Variants in NELL1 observed in about 807,000 individuals in gnomAD.
NELL1 encodes the protein protein kinase C-binding protein NELL1.
Under a neutral mutation model 107.4 loss-of-function variants are expected in NELL1, and 76 were observed. The ratio of observed to expected loss-of-function variants is 0.71; its 90% CI spans 0.59 to 0.86. The LOEUF (loss-of-function observed/expected upper bound fraction) is 0.86, where lower values mean the gene tolerates loss of function less well. NELL1 is among the 40% of genes least tolerant of loss of function. The pLI, the probability that NELL1 is intolerant of heterozygous loss-of-function variation, is 0.00. For synonymous variants in NELL1, 353 were observed against 341.2 expected (o/e 1.03, Z -0.38); for missense variants, 1,024 against 1,005.5 (o/e 1.02, Z -0.25).
chr11:21,114,939 C>G (rs1054978814), intron 13 of NELL1, among the ~76,000 whole-genome samples: 1 of 151,888 alleles, frequency 6.6e-6, no homozygotes, highest in Non-Finnish European at 1.5e-5. Flanking sequence ...GTCTTTTAAC[C>G]CTAAGATTAG....
intron 15 of NELL1, among the ~76,000 whole-genome samples, chr11:21,392,441 A>G (rs999236411): frequency 6.6e-6 from 1 of 151,780 alleles, no homozygotes; most frequent in African/African-American, 2.4e-5. Context: ...CCTCTTTTCT[A>G]GATTCCAAAA....
At chr11:21,089,377 T>A (rs571048423) in intron 12 of NELL1, among the ~76,000 whole-genome samples, 1 of 152,320 alleles carries the variant, frequency 6.6e-6, no homozygotes, top group South Asian at 2.1e-4. Flanking sequence ...CATAAAATTA[T>A]CAATTAGATT....
At chr11:21,554,357 G>A (rs560049849) in intron 16 of NELL1, among the ~76,000 whole-genome samples, 15 of 151,882 alleles carry the variant, frequency 9.9e-5, no homozygotes, top group Non-Finnish European at 1.9e-4. Context: ...ATCAGATTAA[G>A]GCTCAGAGAA....
intron 15 of NELL1, among the ~76,000 whole-genome samples, chr11:21,530,984 C>T (rs7123743): frequency 0.31 from 47,575 of 151,906 alleles, 8,019 homozygotes; most frequent in Middle Eastern, 0.41. Flanking sequence ...GGTAAACCTG[C>T]ATAAAATGTT....
At chr11:20,759,001 T>C (rs945717819) in intron 2 of NELL1, among the ~76,000 whole-genome samples, 2 of 152,184 alleles carry the variant, frequency 1.3e-5, no homozygotes, top group African/African-American at 4.8e-5. Context: ...GCCTACCATA[T>C]ACCACGAAAA....
At chr11:21,251,504 A>G (rs954051625) in intron 14 of NELL1, among the ~76,000 whole-genome samples, 3 of 152,088 alleles carry the variant, frequency 2.0e-5, no homozygotes, top group Non-Finnish European at 4.4e-5. Context: ...GAGACAATTT[A>G]GTTCCAGTAA....
At chr11:21,216,508 T>C in intron 13 of NELL1, among the ~76,000 whole-genome samples, 1 of 152,198 alleles carries the variant, frequency 6.6e-6, no homozygotes, top group East Asian at 1.9e-4. Context: ...GAGAGGGTGC[T>C]GTACCTTGCA....
At chr11:21,042,380 A>G (rs779166206) in intron 12 of NELL1, among the ~76,000 whole-genome samples, 6 of 152,192 alleles carry the variant, frequency 3.9e-5, no homozygotes, top group Non-Finnish European at 7.3e-5. Context: ...GGGCCATACT[A>G]CTATGCTCAT....
At chr11:20,765,025 A>G (rs1388527655) in intron 2 of NELL1, among the ~76,000 whole-genome samples, 1 of 152,068 alleles carries the variant, frequency 6.6e-6, no homozygotes, top group Non-Finnish European at 1.5e-5. Flanking sequence ...AGGCAGGATG[A>G]CAGATGACCA....
At chr11:20,822,866 A>T (rs1321363835) in intron 3 of NELL1, among the ~76,000 whole-genome samples, 1 of 152,218 alleles carries the variant, frequency 6.6e-6, no homozygotes, top group Non-Finnish European at 1.5e-5. Flanking sequence ...TTGGTCTTGT[A>T]GTAAGATAGA....
At chr11:21,038,928 G>A (rs1288742373) in intron 12 of NELL1, among the ~76,000 whole-genome samples, 1 of 152,182 alleles carries the variant, frequency 6.6e-6, no homozygotes, top group African/African-American at 2.4e-5. Context: ...TCTCTTTGAA[G>A]GAAGTAGTGA....
At chr11:21,438,911 C>T (rs1241754897) in intron 15 of NELL1, among the ~76,000 whole-genome samples, 37 of 151,530 alleles carry the variant, frequency 2.4e-4, no homozygotes, top group Admixed American at 2.4e-3. Flanking sequence ...TGACTGGATT[C>T]AAAGGAAGTC....
chr11:20,967,849 T>G (rs886831210), intron 12 of NELL1, among the ~76,000 whole-genome samples: 7 of 152,210 alleles, frequency 4.6e-5, no homozygotes, highest in African/African-American at 1.7e-4. Context: ...ATACCCAAAT[T>G]TGGTCCTGTG....
At chr11:20,946,522 G>T (rs1313910044) in intron 10 of NELL1, among the ~76,000 whole-genome samples, 1 of 152,180 alleles carries the variant, frequency 6.6e-6, no homozygotes, top group Admixed American at 6.5e-5. Flanking sequence ...ACACGTTATT[G>T]TAAGTGATTT....
chr11:21,043,798 A>G (rs1346219168), intron 12 of NELL1, among the ~76,000 whole-genome samples: 1 of 152,164 alleles, frequency 6.6e-6, no homozygotes, highest in African/African-American at 2.4e-5. Flanking sequence ...AATTGAATAT[A>G]GTAGGGTAAA....
chr11:21,144,487 G>T (rs1180507695), intron 13 of NELL1, among the ~76,000 whole-genome samples: 1 of 152,086 alleles, frequency 6.6e-6, no homozygotes. Flanking sequence ...TTTCAAATTT[G>T]TCCGTAATAG....
intron 15 of NELL1, among the ~76,000 whole-genome samples, chr11:21,500,231 T>C (rs1855100142): frequency 6.6e-6 from 1 of 152,234 alleles, no homozygotes; most frequent in African/African-American, 2.4e-5. Context: ...TGTAACTACT[T>C]AGTAAAAACA....
chr11:21,348,285 A>G (rs1331208476), intron 14 of NELL1, among the ~76,000 whole-genome samples: 1 of 152,188 alleles, frequency 6.6e-6, no homozygotes, highest in Non-Finnish European at 1.5e-5. Context: ...ATATTAGAAC[A>G]AAGAATGTTC....
chr11:21,428,841 A>T (rs11026079), intron 15 of NELL1, among the ~76,000 whole-genome samples: 54,443 of 152,084 alleles, frequency 0.36, 11,166 homozygotes, highest in African/African-American at 0.55. Flanking sequence ...GAGTTCTGGA[A>T]AGTGTGAAAG....
Sources: allele counts gnomAD v4.1 joint callset (sites outside exome capture counted in the v4.1 genomes callset), GRCh38; gene constraint gnomAD v4.1.1; transcripts MANE v1.5; gene names NCBI Gene and HGNC (gene_info 2026-07-23, HGNC 2026-07-21).